REV3L: variants seen among roughly 807,000 people sequenced by gnomAD.
The protein encoded by REV3L is REV3 like, DNA directed polymerase zeta catalytic subunit.
Under a neutral mutation model 299.4 loss-of-function variants are expected in REV3L, and 69 were observed. The observed-to-expected ratio is 0.23, with a 90% CI of 0.19 to 0.28. The LOEUF is 0.28. REV3L is among the 10% of genes least tolerant of loss of function. REV3L has a pLI of 1.00. For synonymous variants in REV3L, 1,238 were observed against 1,271.4 expected, an observed-to-expected ratio of 0.97 and a Z score of 0.56; for missense variants, 3,128 against 3,693.8, an observed-to-expected ratio of 0.85 and a Z score of 3.97.
chr6:111,434,634 A>C (rs1787339282), intron 1 of REV3L, among the ~76,000 whole-genome samples: 1 of 151,954 alleles, frequency 6.6e-6, no homozygotes, highest in Non-Finnish European at 1.5e-5. Flanking sequence ...AAAAAAAAAA[A>C]ATCAATGAAT....
chr6:111,314,894 C>T (rs1773358329), intron 27 of REV3L, among the ~76,000 whole-genome samples: 1 of 149,812 alleles, frequency 6.7e-6, no homozygotes, highest in Admixed American at 6.7e-5. Flanking sequence ...CTTTGTTCCC[C>T]AGGCTGGAGT....
chr6:111,392,516 A>C (rs1782039004), intron 5 of REV3L, among the ~76,000 whole-genome samples: 1 of 152,174 alleles, frequency 6.6e-6, no homozygotes, highest in African/African-American at 2.4e-5. Context: ...AGGGGTTATT[A>C]AAAATATTTA....
At chr6:111,409,843 T>C (rs144438895) in intron 3 of REV3L, among the ~76,000 whole-genome samples, 191 of 152,258 alleles carry the variant, frequency 1.3e-3, no homozygotes, top group African/African-American at 4.4e-3. Flanking sequence ...AATGGATGAA[T>C]TCAGAACTGA....
At chr6:111,367,086 T>C (rs778438408) in intron 14 of REV3L, 29 bp downstream of exon 14, 10 of 1,484,996 alleles carry the variant, frequency 6.7e-6, no homozygotes, top group South Asian at 1.4e-5. Context: ...AGAACAATTA[T>C]GGAGACTTCC....
At position 111,482,982 on chromosome 6, in the gene REV3L, C is replaced by G. The variant is rs946754235; in HGVS notation, c.-94G>C. ...CCCTCCGCAGCGGCGGCGGCGCCCC[C>G]TCCCCTTCTCGGCACGGCCCCCTCC... On this transcript the variant is annotated 5_prime_UTR_variant, in exon 1 of 32. Transcript: ENST00000368802. The G allele has an allele frequency of 6.5e-6, 9 of 1,376,148 alleles. No homozygotes were observed. Among genetic ancestry groups the G allele is most frequent in the African/African-American group, 1.5e-5 (1 of 65,110 alleles). 85.2% of individuals were successfully genotyped at this position (1,376,148 alleles called of 1,614,324 possible).
chr6:111,433,405 G>A (rs997280470), intron 1 of REV3L, among the ~76,000 whole-genome samples: 1 of 151,922 alleles, frequency 6.6e-6, no homozygotes, highest in Non-Finnish European at 1.5e-5. Context: ...ATTATGAAGA[G>A]GCTAATATAT....
chr6:111,313,769 C>G (rs1002361641), intron 27 of REV3L, among the ~76,000 whole-genome samples: 1 of 152,176 alleles, frequency 6.6e-6, no homozygotes, highest in Non-Finnish European at 1.5e-5. Context: ...AGTCTACAGT[C>G]TGGTCTCAAC....
intron 22 of REV3L, among the ~76,000 whole-genome samples, chr6:111,334,934 T>C (rs1026445672): frequency 3.3e-5 from 5 of 152,180 alleles, no homozygotes; most frequent in African/African-American, 4.8e-5. Flanking sequence ...CTACAGGTAT[T>C]CAAATACATA....
chr6:111,300,357 A>AGAT (rs1216254781), intron 31 of REV3L, among the ~76,000 whole-genome samples: 1 of 152,166 alleles, frequency 6.6e-6, no homozygotes, highest in Non-Finnish European at 1.5e-5. Context: ...TATTTTGTAA[A>AGAT]GATAGAGTAC....
chr6:111,333,807 T>A (rs1369638095), intron 22 of REV3L, among the ~76,000 whole-genome samples: 1 of 152,204 alleles, frequency 6.6e-6, no homozygotes, highest in Non-Finnish European at 1.5e-5. Context: ...AGCTTTCAGA[T>A]GCGAAAAGGG....
intron 16 of REV3L, among the ~76,000 whole-genome samples, chr6:111,363,224 A>T (rs1161930120): frequency 1.3e-5 from 2 of 152,216 alleles, no homozygotes; most frequent in Non-Finnish European, 2.9e-5. Context: ...TCAAACAGAA[A>T]ATACAAGTAA....
At chr6:111,430,808 C>T in intron 1 of REV3L, 5 of 1,608,604 alleles carry the variant, frequency 3.1e-6, no homozygotes, top group Non-Finnish European at 4.2e-6. Flanking sequence ...TGGAGGAAAG[C>T]TGACCAGGCG....
intron 13 of REV3L, among the ~76,000 whole-genome samples, chr6:111,370,885 T>C (rs1040269558): frequency 1.3e-4 from 20 of 152,116 alleles, no homozygotes; most frequent in African/African-American, 4.8e-4. Context: ...TTGTCCAAAG[T>C]CCACAGATTA....
At chr6:111,387,961 A>G in intron 8 of REV3L, 40 bp downstream of exon 8, 1 of 1,604,338 alleles carries the variant, frequency 6.2e-7, no homozygotes, top group Non-Finnish European at 8.5e-7. Flanking sequence ...TAACAAAGGA[A>G]TAAAATTAGT....
Position 111,389,213 on chromosome 6 carries a change from G to A in REV3L, c.758-3C>T. The A allele has an allele frequency of 1.2e-6, 2 of 1,607,602 alleles. No homozygotes were observed. The highest frequency in any genetic ancestry group is 2.2e-5 in the East Asian group (1 of 44,782). ...ACCAGGGTTTCCACCAATTTGAGCT[G>A]TAATCACAATAATACTTCAATACTA... On this transcript the variant is annotated splice_polypyrimidine_tract_variant and splice_region_variant and intron_variant, in intron 6 of 31. Transcript: ENST00000368802.
intron 27 of REV3L, among the ~76,000 whole-genome samples, chr6:111,314,433 A>G (rs1220903004): frequency 6.6e-6 from 1 of 152,196 alleles, no homozygotes; most frequent in African/African-American, 2.4e-5. Flanking sequence ...TCACACCTAG[A>G]ACCCAACCCT....
rs183117869 is a variant in REV3L, at chr6:111,307,527, C to T, written c.9086G>A (p.Arg3029Gln). ...AAAATATTGTGAAATAGTGCCTTTC[C>T]GCCCTTCAGGTTCACTTCGCGAGGA... ...TSSSRSEPEG[R>Q]KGTISQYFTT... The change falls in exon 31 of 32, where the codon CGG becomes CAG. Residue 3029 changes from arginine to glutamine, a missense_variant. Physicochemically the swap from Arg to Gln is conservative, Grantham distance 43 (BLOSUM62 1). Coordinates refer to ENST00000368802, the MANE Select transcript of REV3L (RefSeq NM_001372078.1). 197 of 1,614,164 alleles carry T rather than the reference C, an allele frequency of 1.2e-4. No individual in the cohort carries two copies. In the East Asian group the frequency reaches 3.8e-3, roughly 31 times the overall value.
chr6:111,372,886 G>A lies in REV3L; in HGVS notation c.5469C>T (p.Ser1823=), dbSNP rs1779944006. Residue 1823 remains serine (S), a synonymous_variant, in exon 13 of 32, where the codon TCC becomes TCT. Transcript: ENST00000368802. ...CGTCTACAAGTTCACCATCAGGGGA[G>A]GAGAGTATTGCAGTAAAAGAGGTAT... ...SANTSFTAIL[S]SPDGELVDVA... The A allele has an allele frequency of 5.0e-6, 8 of 1,614,104 alleles. No homozygotes were observed. Among genetic ancestry groups the A allele is most frequent in the Non-Finnish European group, 6.8e-6 (8 of 1,180,012 alleles).
At position 111,367,029 on chromosome 6, in the gene REV3L, C is replaced by A; in HGVS notation, c.6673+86G>T. On this transcript the variant is annotated intron_variant, in intron 14 of 31. Transcript: ENST00000368802. ...CTGAGCTATACCTTCATTTAAAAAG[C>A]TCTGATTTTCATTACAGTCTAATGT... 3.5e-6 allele frequency: 4 copies of A among 1,151,880 alleles called. No homozygotes were observed. In the South Asian group the frequency reaches 7.8e-5, roughly 22 times the overall value. 71.4% of individuals were successfully genotyped at this position (1,151,880 alleles called of 1,614,324 possible).
Sources: gnomAD v4.1 joint callset for allele counts (sites outside exome capture counted in the v4.1 genomes callset) on GRCh38, gnomAD v4.1.1 for gene constraint, MANE v1.5 for transcripts, NCBI Gene and HGNC (gene_info 2026-07-23, HGNC 2026-07-21) for gene names.